Variants in STIMATE observed in about 807,000 individuals in gnomAD.
STIMATE encodes the protein STIM activating enhancer, also known as store-operated calcium entry regulator STIMATE.
A neutral mutation model predicts 36.7 loss-of-function variants in STIMATE; 15 were observed. That is an observed-to-expected ratio of 0.41 (90% CI 0.27 to 0.63). The LOEUF is 0.63. Ranked by LOEUF, STIMATE falls within the 20% of genes least tolerant of loss-of-function variation. The pLI is 0.32. For missense variants in STIMATE, 305 were observed against 397.3 expected, an observed-to-expected ratio of 0.77 and a Z score of 1.98; for synonymous variants, 163 against 162.3, an observed-to-expected ratio of 1.00 and a Z score of -0.03.
At chr3:52,876,738 T>C (rs72959479) in intron 1 of STIMATE, among the ~76,000 whole-genome samples, 4,499 of 152,306 alleles carry the variant, frequency 0.03, 262 homozygotes, top group African/African-American at 0.1. Flanking sequence ...AAGAATACCA[T>C]ATATAATACA....
chr3:52,870,446 G>A (rs1701383002), intron 1 of STIMATE, among the ~76,000 whole-genome samples: 1 of 152,044 alleles, frequency 6.6e-6, no homozygotes, highest in African/African-American at 2.4e-5. Context: ...AGCTACCCCA[G>A]GCTGGTCGGC....
At chr3:52,857,242 C>G (rs1050893415) in intron 1 of STIMATE, among the ~76,000 whole-genome samples, 1 of 152,150 alleles carries the variant, frequency 6.6e-6, no homozygotes, top group Non-Finnish European at 1.5e-5. Flanking sequence ...GAGAGATCAA[C>G]GAGCAGGTGA....
chr3:52,877,365 G>A (rs751081197), intron 1 of STIMATE, among the ~76,000 whole-genome samples: 4 of 152,218 alleles, frequency 2.6e-5, no homozygotes, highest in Non-Finnish European at 4.4e-5. Flanking sequence ...AGGTCAGTTC[G>A]TAGGTGGGAA....
intron 1 of STIMATE, among the ~76,000 whole-genome samples, chr3:52,873,622 C>T (rs563736442): frequency 1.3e-5 from 2 of 152,294 alleles, no homozygotes; most frequent in South Asian, 4.2e-4. Flanking sequence ...AGTTGCTGCT[C>T]CAAGAGCCCT....
intron 1 of STIMATE, among the ~76,000 whole-genome samples, chr3:52,861,527 C>T (rs556618899): frequency 1.3e-5 from 2 of 152,308 alleles, no homozygotes; most frequent in Non-Finnish European, 2.9e-5. Context: ...AGCTATGTGA[C>T]TTTTGTATAT....
At chr3:52,856,911 C>G (rs558019836) in intron 1 of STIMATE, among the ~76,000 whole-genome samples, 55 of 152,324 alleles carry the variant, frequency 3.6e-4, no homozygotes, top group Admixed American at 2.0e-3. Flanking sequence ...CACAATGATT[C>G]TATCTACTAA....
intron 1 of STIMATE, among the ~76,000 whole-genome samples, chr3:52,884,656 G>A (rs1302507776): frequency 1.3e-5 from 2 of 152,202 alleles, no homozygotes; most frequent in East Asian, 3.8e-4. Flanking sequence ...TATAAATGGA[G>A]TCATTCAGTA....
At chr3:52,862,578 T>C (rs891386422) in intron 1 of STIMATE, among the ~76,000 whole-genome samples, 3 of 152,318 alleles carry the variant, frequency 2.0e-5, no homozygotes, top group African/African-American at 4.8e-5. Flanking sequence ...AAAGAGTATA[T>C]TATTTTAGTA....
At chr3:52,847,203 C>G in intron 4 of STIMATE, 1 of 1,118,090 alleles carries the variant, frequency 8.9e-7, no homozygotes, top group Non-Finnish European at 1.1e-6. Flanking sequence ...TGAGCCACTG[C>G]ACCTGGACCT....
intron 6 of STIMATE, 131 bp downstream of exon 6, chr3:52,843,590 G>T: frequency 1.5e-6 from 2 of 1,360,234 alleles, no homozygotes; most frequent in East Asian, 2.3e-5. Context: ...TCTGGGGGTG[G>T]GAGAGGTGGC....
At chr3:52,851,531 AG>A (rs1463987524) in intron 3 of STIMATE, among the ~76,000 whole-genome samples, 1 of 152,194 alleles carries the variant, frequency 6.6e-6, no homozygotes, top group African/African-American at 2.4e-5. Flanking sequence ...GAAAAGAGGG[AG>A]GGGGCATTTC....
intron 4 of STIMATE, chr3:52,847,489 G>A (rs763121758): frequency 4.3e-5 from 56 of 1,289,674 alleles, no homozygotes; most frequent in Middle Eastern, 4.3e-4. Flanking sequence ...CTCAACCGCC[G>A]GGGCTGTGTG....
chr3:52,858,080 T>C (rs1419210751), intron 1 of STIMATE, among the ~76,000 whole-genome samples: 1 of 152,134 alleles, frequency 6.6e-6, no homozygotes, highest in African/African-American at 2.4e-5. Flanking sequence ...TCCAACCTGC[T>C]GACACCTTCA....
intron 5 of STIMATE, among the ~76,000 whole-genome samples, chr3:52,844,395 G>A (rs562307140): frequency 4.1e-4 from 62 of 152,380 alleles, no homozygotes; most frequent in African/African-American, 1.3e-3. Context: ...CGGAAGCCAC[G>A]GTTGGGGAGC....
rs199793440 is a variant in STIMATE at position 52,844,819 on chromosome 3, C to T, written c.540+10G>A. The T allele has an allele frequency of 1.9e-5, 30 of 1,613,402 alleles. No individual in the cohort carries two copies. In the East Asian group the frequency reaches 2.2e-4, roughly 12 times the overall value. On this transcript the variant is annotated intron_variant, in intron 5 of 7. Transcript: ENST00000355083. ...TGGCAAGGAGCTGCTCATGCAGGGACGAAGCAAACCTTTTTCCACTGAAGT... is the reference window on the plus strand; with the variant it reads ...TGGCAAGGAGCTGCTCATGCAGGGATGAAGCAAACCTTTTTCCACTGAAGT...
chr3:52,892,220 A>G (rs1701794034), intron 1 of STIMATE, among the ~76,000 whole-genome samples: 1 of 152,252 alleles, frequency 6.6e-6, no homozygotes, highest in Non-Finnish European at 1.5e-5. Flanking sequence ...GGTATTCAAA[A>G]GTTTAAAAAA....
At chr3:52,870,491 G>A (rs371874268) in intron 1 of STIMATE, among the ~76,000 whole-genome samples, 1 of 151,890 alleles carries the variant, frequency 6.6e-6, no homozygotes, top group East Asian at 1.9e-4. Flanking sequence ...CTGGTGCTGG[G>A]AGGTGAGCAC....
At chr3:52,891,030 A>G (rs1036103105) in intron 1 of STIMATE, among the ~76,000 whole-genome samples, 2 of 152,244 alleles carry the variant, frequency 1.3e-5, no homozygotes, top group African/African-American at 4.8e-5. Context: ...GAGTCATTTC[A>G]AATTTATATT....
intron 1 of STIMATE, among the ~76,000 whole-genome samples, chr3:52,856,153 G>A (rs1056819682): frequency 4.6e-5 from 7 of 152,196 alleles, no homozygotes; most frequent in Non-Finnish European, 8.8e-5. Context: ...ACAGGTACAG[G>A]GACAAAGCAT....
Sources: gnomAD v4.1 joint callset for allele counts (sites outside exome capture counted in the v4.1 genomes callset) on GRCh38, gnomAD v4.1.1 for gene constraint, MANE v1.5 for transcripts, NCBI Gene and HGNC (gene_info 2026-07-23, HGNC 2026-07-21) for gene names.